Variants in CDC14B observed in about 807,000 individuals in gnomAD.
CDC14B encodes the protein cell division cycle 14B.
Under a neutral mutation model 64.2 loss-of-function variants are expected in CDC14B, and 22 were observed. That is an observed-to-expected ratio of 0.34 (90% CI 0.24 to 0.49). CDC14B has a LOEUF of 0.49. Among genes scored for constraint, CDC14B ranks in the 20% least tolerant of loss-of-function variants. The pLI is 0.99. For missense variants in CDC14B, 498 were observed against 629.9 expected (o/e 0.79, Z 2.24); for synonymous variants, 191 against 215.8 (o/e 0.89, Z 1.01).
intron 12 of CDC14B, among the ~76,000 whole-genome samples, chr9:96,511,427 C>T (rs1210224608): frequency 6.6e-6 from 1 of 152,080 alleles, no homozygotes; most frequent in Non-Finnish European, 1.5e-5. Flanking sequence ...AAAAATTAGC[C>T]GAGTGTGGTG....
At chr9:96,539,458 T>C (rs1206085262) in intron 6 of CDC14B, among the ~76,000 whole-genome samples, 1 of 152,196 alleles carries the variant, frequency 6.6e-6, no homozygotes, top group Non-Finnish European at 1.5e-5. Context: ...AGTAATCCTC[T>C]TCTCTTACCA....
At chr9:96,599,546 T>C (rs1000942458) in intron 1 of CDC14B, among the ~76,000 whole-genome samples, 1 of 152,278 alleles carries the variant, frequency 6.6e-6, no homozygotes, top group East Asian at 1.9e-4. Context: ...CAATGTAGTG[T>C]CCTGGACTGT....
Position 96,515,532 on chromosome 9 carries a change from T to C in CDC14B, c.1344-5743A>G. On this transcript the variant is annotated intron_variant, in intron 12 of 13. Transcript: ENST00000375241. The surrounding 1 kb of genome is among the most constrained non-coding windows in gnomAD (Gnocchi z 4.3). The stretch of plus-strand genomic sequence containing the variant: ...ATTGAAAAGATTCAGAAAAAGAACC[T>C]TTGAAAATAGGCAAACCAACAAAGC... The C allele has an allele frequency of 9.3e-7, 1 of 1,072,096 alleles. No individual in the cohort carries two copies. The highest frequency in any genetic ancestry group is 1.3e-6 in the Non-Finnish European group (1 of 780,244). 66.4% of individuals were successfully genotyped at this position (1,072,096 alleles called of 1,614,324 possible).
chr9:96,562,460 C>T (rs531210123), intron 4 of CDC14B: 11 of 441,586 alleles, frequency 2.5e-5, no homozygotes, highest in African/African-American at 1.2e-4. Context: ...GCTTTTTTCC[C>T]GAGCAGTTTT....
intron 4 of CDC14B, 55 bp from the exon 5 acceptor site, chr9:96,551,927 C>T (rs2132061833): frequency 3.8e-6 from 6 of 1,558,608 alleles, no homozygotes; most frequent in Non-Finnish European, 5.2e-6. Flanking sequence ...AGATACAGTG[C>T]TGTCACTGCG....
intron 1 of CDC14B, among the ~76,000 whole-genome samples, chr9:96,603,577 T>A (rs1042227368): frequency 1.3e-5 from 2 of 152,218 alleles, no homozygotes; most frequent in African/African-American, 4.8e-5. Context: ...TGCTGCCCAC[T>A]GACATTCGAG....
At position 96,503,667 on chromosome 9, in the gene CDC14B, A is replaced by G. The variant is rs1316502159; in HGVS notation, c.*86T>C. On this transcript the variant is annotated 3_prime_UTR_variant, in exon 14 of 14. Coordinates refer to ENST00000375241, the MANE Select transcript of CDC14B (RefSeq NM_033331.4). ...GGAAAAAGCAACTAAGGCTTTTGCAATTTTGTTTTGTTTTCAAATTGTGCT... is the reference window on the plus strand; with the variant it reads ...GGAAAAAGCAACTAAGGCTTTTGCAGTTTTGTTTTGTTTTCAAATTGTGCT... The G allele has an allele frequency of 5.6e-6, 7 of 1,256,944 alleles. No individual in the cohort carries two copies. In the African/African-American group the frequency reaches 9.0e-5, roughly 16 times the overall value. 77.9% of individuals were successfully genotyped at this position (1,256,944 alleles called of 1,614,324 possible).
intron 4 of CDC14B, among the ~76,000 whole-genome samples, chr9:96,553,518 C>A (rs1361860316): frequency 1.3e-5 from 2 of 151,922 alleles, no homozygotes; most frequent in Non-Finnish European, 2.9e-5. Context: ...ACCACCACGC[C>A]TGGCTAGTTT....
chr9:96,611,482 T>A (rs931143048), intron 1 of CDC14B, among the ~76,000 whole-genome samples: 1 of 152,226 alleles, frequency 6.6e-6, no homozygotes, highest in African/African-American at 2.4e-5. Context: ...GGTCTGTCCA[T>A]GTTTGCATGT....
At chr9:96,581,484 A>T (rs1021865997) in intron 1 of CDC14B, among the ~76,000 whole-genome samples, 3 of 135,804 alleles carry the variant, frequency 2.2e-5, no homozygotes, top group African/African-American at 3.8e-5. Flanking sequence ...TAAATTAATT[A>T]ATTAAATTAA....
intron 12 of CDC14B, 142 bp from the exon 13 acceptor site, chr9:96,509,931 C>A: frequency 1.7e-6 from 1 of 583,834 alleles, no homozygotes; most frequent in Non-Finnish European, 3.0e-6. Flanking sequence ...CCAAAAAAAT[C>A]TGAAACACAT....
chr9:96,566,652 C>T (rs1327999544), intron 1 of CDC14B: 16 of 971,822 alleles, frequency 1.6e-5, no homozygotes, highest in Non-Finnish European at 2.5e-5. Flanking sequence ...CACCCACACG[C>T]AGGAGACAAG....
chr9:96,592,610 C>A (rs929651059), intron 1 of CDC14B, among the ~76,000 whole-genome samples: 1 of 151,950 alleles, frequency 6.6e-6, no homozygotes, highest in Non-Finnish European at 1.5e-5. Context: ...CCTGTCTCTA[C>A]TAAAAATAGA....
At chr9:96,595,955 T>A (rs1179967416) in intron 1 of CDC14B, among the ~76,000 whole-genome samples, 4 of 152,158 alleles carry the variant, frequency 2.6e-5, no homozygotes, top group African/African-American at 4.8e-5. Context: ...AGTTAAATAA[T>A]TGACATTTGA....
chr9:96,619,461 C>T lies in CDC14B; in HGVS notation c.-83G>A, dbSNP rs888373779. ...CGCCGAGGCTCCCGCCAGCCCCGCG[C>T]GGGCGCTCGGGGCGGCGGGCGCAGA... On this transcript the variant is annotated 5_prime_UTR_variant, in exon 1 of 14. Coordinates refer to ENST00000375241, the MANE Select transcript of CDC14B (RefSeq NM_033331.4). The T allele has an allele frequency of 3.8e-6, 3 of 786,360 alleles. No individual in the cohort carries two copies. The highest frequency in any genetic ancestry group is 4.6e-6 in the Non-Finnish European group (3 of 652,358). 48.7% of individuals were successfully genotyped at this position (786,360 alleles called of 1,614,324 possible). A position where few individuals can be genotyped will look rare whatever the true frequency, so the allele number is the denominator to read the frequency against.
Position 96,564,673 on chromosome 9 carries a change from GT to G in CDC14B, c.327+103del, listed in dbSNP as rs1048648796. ...TGTGCATGTCCCAAACACCACTGCA[GT>G]GAAAAACATGTCATTTCCTTTTTAA... On this transcript the variant is annotated intron_variant, in intron 3 of 13. Coordinates refer to ENST00000375241, the MANE Select transcript of CDC14B (RefSeq NM_033331.4). 8.7e-5 allele frequency: 57 copies of G among 658,794 alleles called. No individual in the cohort carries two copies. In the African/African-American group the frequency reaches 1.0e-3, roughly 12 times the overall value. The allele number at this position is 658,794 out of a possible 1,614,324, so 40.8% of individuals were successfully genotyped here. A position where few individuals can be genotyped will look rare whatever the true frequency, so the allele number is the denominator to read the frequency against.
intron 13 of CDC14B, among the ~76,000 whole-genome samples, chr9:96,506,375 A>C (rs1008249978): frequency 1.3e-5 from 2 of 152,246 alleles, no homozygotes; most frequent in Non-Finnish European, 2.9e-5. Flanking sequence ...TAAAAGCTCC[A>C]GGCTACAGCT....
chr9:96,584,555 C>T (rs765503438), intron 1 of CDC14B, among the ~76,000 whole-genome samples: 1 of 152,174 alleles, frequency 6.6e-6, no homozygotes, highest in Non-Finnish European at 1.5e-5. Context: ...AGGTTACATT[C>T]TAATTTTTCC....
intron 5 of CDC14B, among the ~76,000 whole-genome samples, chr9:96,544,942 A>C (rs2131923498): frequency 6.6e-6 from 1 of 152,296 alleles, no homozygotes; most frequent in African/African-American, 2.4e-5. Context: ...GAAAAAAACA[A>C]AAGGACTTCC....
Sources: gnomAD v4.1 joint callset for allele counts (sites outside exome capture counted in the v4.1 genomes callset) on GRCh38, gnomAD v4.1.1 for gene constraint, Gnocchi (gnomAD v3.1) non-coding constraint, MANE v1.5 for transcripts, NCBI Gene and HGNC (gene_info 2026-07-23, HGNC 2026-07-21) for gene names.